DKK3: variants seen among roughly 807,000 people sequenced by gnomAD.
DKK3 encodes dickkopf-related protein 3.
A neutral mutation model predicts 33.2 loss-of-function variants in DKK3; 22 were observed. The observed-to-expected ratio is 0.66, with a 90% CI of 0.47 to 0.95. The LOEUF (loss-of-function observed/expected upper bound fraction) is 0.95. DKK3 is among the 40% of genes least tolerant of loss of function. DKK3 has a pLI of 0.00. For synonymous variants in DKK3, 194 were observed against 188.8 expected, an observed-to-expected ratio of 1.03 and a Z score of -0.23; for missense variants, 398 against 458.4, an observed-to-expected ratio of 0.87 and a Z score of 1.20.
intron 3 of DKK3, among the ~76,000 whole-genome samples, chr11:11,982,177 G>C (rs1156622228): frequency 1.1e-4 from 16 of 152,176 alleles, no homozygotes. Flanking sequence ...GGTAGTCGGA[G>C]TCACGGGGGC....
chr11:11,968,286 T>C lies in DKK3; in HGVS notation c.528+109A>G, dbSNP rs58663590. The C allele has an allele frequency of 9.1e-3, 9,053 of 997,786 alleles. 537 individuals are homozygous for C. In the African/African-American group the frequency reaches 0.13, roughly 14 times the overall value. 61.8% of individuals were successfully genotyped at this position (997,786 alleles called of 1,614,324 possible). A position where few individuals can be genotyped will look rare whatever the true frequency, so the allele number is the denominator to read the frequency against. ...GAGCCCTCTTGGGTCCTCCCCATCA[T>C]GGTGAGGCTCTTCTGGGAAGCCCAG... On this transcript the variant is annotated intron_variant, in intron 4 of 6. Coordinates refer to ENST00000683431, the MANE Select transcript of DKK3 (RefSeq NM_001018057.2).
At chr11:11,990,673 C>T (rs1007333744) in intron 3 of DKK3, among the ~76,000 whole-genome samples, 4 of 152,224 alleles carry the variant, frequency 2.6e-5, no homozygotes, top group African/African-American at 9.6e-5. Flanking sequence ...GCCTCTCCCC[C>T]AGCTTTACTT....
intron 5 of DKK3, among the ~76,000 whole-genome samples, chr11:11,966,244 G>A (rs1275253167): frequency 2.0e-5 from 3 of 152,184 alleles, no homozygotes; most frequent in Non-Finnish European, 4.4e-5. Context: ...GGAGGCAAAG[G>A]CATTCAGGCA....
chr11:11,999,054 C>T (rs4542392), intron 2 of DKK3, among the ~76,000 whole-genome samples: 24,932 of 151,946 alleles, frequency 0.16, 2,052 homozygotes, highest in African/African-American at 0.2. Flanking sequence ...GCACAGTGCC[C>T]AACACCCAGC....
In DKK3 at chr11:11,998,718, T is replaced by C. The variant is rs1448776822; in HGVS notation, c.413A>G (p.Asp138Gly). The change falls in exon 3 of 7, where the codon GAC becomes GGC. Residue 138 changes from aspartate (D) to glycine (G), a missense_variant. Physicochemically the swap from Asp to Gly is moderately conservative, Grantham distance 94. Transcript: ENST00000683431. ...TACGTGGCTCCTTCTGCCTTCTTCG[T>C]CTCCCACAGATGTGATAACTGTCTC... Reference protein sequence around the residue: ...FSETVITSVGDEEGRRSHECI... With the variant: ...FSETVITSVGGEEGRRSHECI... 3.1e-6 allele frequency: 5 copies of C among 1,614,070 alleles called. No homozygotes were observed. The highest frequency in any genetic ancestry group is 1.1e-5 in the South Asian group (1 of 91,082).
chr11:11,967,740 T>C (rs1847632974), intron 4 of DKK3, among the ~76,000 whole-genome samples: 2 of 152,260 alleles, frequency 1.3e-5, no homozygotes, highest in Admixed American at 1.3e-4. Context: ...TGAGTCCATG[T>C]GGCTTCGTCC....
chr11:12,001,641 C>A (rs934100925), intron 2 of DKK3: 1 of 152,252 alleles, frequency 6.6e-6, no homozygotes, highest in Non-Finnish European at 1.5e-5. Flanking sequence ...ACACCAGGGG[C>A]AAGCTAGTGC....
intron 3 of DKK3, among the ~76,000 whole-genome samples, chr11:11,992,787 C>T (rs1267375635): frequency 1.3e-5 from 2 of 152,224 alleles, no homozygotes; most frequent in East Asian, 3.9e-4. Context: ...GTGCCATGCT[C>T]GTATAGCCTG....
At chr11:12,008,722 G>T (rs1180718910), upstream of DKK3, 3 of 1,053,682 alleles carry the variant, frequency 2.8e-6, no homozygotes, top group Non-Finnish European at 3.4e-6. This position sits in a 1 kb window ranked among gnomAD's most constrained non-coding sequence, Gnocchi z 4.6. Context: ...TCCCGCACCC[G>T]CCCGGAGACG....
intron 3 of DKK3, among the ~76,000 whole-genome samples, chr11:11,985,904 T>C (rs1358795449): frequency 1.3e-5 from 2 of 152,242 alleles, no homozygotes; most frequent in Non-Finnish European, 2.9e-5. Context: ...GTATGACTTC[T>C]GGCCTTTGAT....
upstream of DKK3, chr11:12,008,647 C>A (rs979865886): frequency 1.6e-5 from 21 of 1,277,728 alleles, no homozygotes; most frequent in Admixed American, 6.8e-4. This position sits in a 1 kb window ranked among gnomAD's most constrained non-coding sequence, Gnocchi z 4.6. Flanking sequence ...GCGCGGACCA[C>A]CCCCCTCGCT....
chr11:11,991,653 T>C (rs10741565), intron 3 of DKK3, among the ~76,000 whole-genome samples: 88,419 of 151,906 alleles, frequency 0.58, 26,459 homozygotes, highest in African/African-American at 0.73. Context: ...GTGATGCCTG[T>C]GCACCTTCAT....
chr11:11,973,959 A>C (rs1448743099), intron 3 of DKK3, among the ~76,000 whole-genome samples: 1 of 152,160 alleles, frequency 6.6e-6, no homozygotes, highest in Non-Finnish European at 1.5e-5. Flanking sequence ...GCTGCATCTC[A>C]TTCCTCATAC....
intron 2 of DKK3, 113 bp from the exon 3 acceptor site, chr11:11,998,892 A>G: frequency 1.1e-6 from 1 of 919,458 alleles, no homozygotes; most frequent in Non-Finnish European, 1.7e-6. Flanking sequence ...CCAGTATAGG[A>G]GTCGAAATGC....
Position 12,008,388 on chromosome 11 carries a change from C to T in DKK3, c.195G>A (p.Leu65=), listed in dbSNP as rs1366461398. The T allele has an allele frequency of 1.2e-6, 2 of 1,607,164 alleles. No homozygotes were observed. Among genetic ancestry groups the T allele is most frequent in the Non-Finnish European group, 1.7e-6 (2 of 1,178,282 alleles). ...CACCCACCTCTTCCACCGCGCTGCG[C>T]AATTTGTGCTGCGTGTCCTCCATCA... is the stretch of plus-strand genomic sequence containing the variant. The part of the protein sequence containing the change: ...EELMEDTQHK[L]RSAVEEMEAE... The change falls in exon 1 of 7, where the codon TTG becomes TTA. Residue 65 remains leucine, a synonymous_variant. Coordinates refer to ENST00000683431, the MANE Select transcript of DKK3 (RefSeq NM_001018057.2). The surrounding 1 kb of genome is among the most constrained non-coding windows in gnomAD (Gnocchi z 4.6).
chr11:11,995,293 C>G (rs1206910077), intron 3 of DKK3, among the ~76,000 whole-genome samples: 1 of 151,980 alleles, frequency 6.6e-6, no homozygotes, highest in Non-Finnish European at 1.5e-5. Flanking sequence ...ATTTCTTACC[C>G]CGGTTGGTCT....
chr11:11,997,716 G>C (rs1640824871), intron 3 of DKK3, among the ~76,000 whole-genome samples: 1 of 151,966 alleles, frequency 6.6e-6, no homozygotes, highest in Admixed American at 6.6e-5. Context: ...CAGCCAACTG[G>C]ACCCCCAGCC....
intron 3 of DKK3, among the ~76,000 whole-genome samples, chr11:11,997,082 C>T (rs1030387848): frequency 7.9e-5 from 12 of 152,232 alleles, no homozygotes; most frequent in Non-Finnish European, 1.5e-4. Context: ...ACAGCTGCCT[C>T]GTTGAAAGGG....
At chr11:11,978,635 T>C (rs561910873) in intron 3 of DKK3, among the ~76,000 whole-genome samples, 5 of 152,296 alleles carry the variant, frequency 3.3e-5, no homozygotes, top group African/African-American at 1.2e-4. Context: ...CACCTTGGCC[T>C]CCCAAAGTGA....
Sources: gnomAD v4.1 joint callset for allele counts (sites outside exome capture counted in the v4.1 genomes callset) on GRCh38, gnomAD v4.1.1 for gene constraint, Gnocchi (gnomAD v3.1) non-coding constraint, MANE v1.5 for transcripts, NCBI Gene and HGNC (gene_info 2026-07-23, HGNC 2026-07-21) for gene names.